Variants in TNC observed in about 807,000 individuals in gnomAD.
TNC encodes the protein tenascin.
Under a neutral mutation model 202.4 loss-of-function variants are expected in TNC, and 109 were observed. The ratio of observed to expected loss-of-function variants is 0.54; its 90% CI spans 0.46 to 0.63. The LOEUF is 0.63. Among genes scored for constraint, TNC ranks in the 30% least tolerant of loss-of-function variants. The probability of loss-of-function intolerance (pLI) is 0.00; values close to 1 mark genes in which losing one functional copy is unlikely to be tolerated. For missense variants in TNC, 2,756 were observed against 2,833.3 expected (o/e 0.97, Z 0.62); for synonymous variants, 1,007 against 1,089.7 (o/e 0.92, Z 1.50).
chr9:115,038,027 TGGGCCA>T (rs1348245427), intron 20 of TNC, among the ~76,000 whole-genome samples: 1 of 152,186 alleles, frequency 6.6e-6, no homozygotes, highest in African/African-American at 2.4e-5. Context: ...AGAGGAGGAA[TGGGCCA>T]GGAAAACATG....
intron 6 of TNC, among the ~76,000 whole-genome samples, chr9:115,079,448 C>A (rs886719549): frequency 6.6e-6 from 1 of 152,148 alleles, no homozygotes; most frequent in Non-Finnish European, 1.5e-5. Context: ...TGGACAGAAG[C>A]TGCCTGCTCT....
At chr9:115,038,414 A>G in intron 19 of TNC, 34 bp from the exon 20 acceptor site, 2 of 1,610,464 alleles carry the variant, frequency 1.2e-6, no homozygotes, top group Non-Finnish European at 1.7e-6. Flanking sequence ...GAGGGAAGTC[A>G]TTGGGTGGGA....
chr9:115,084,431 C>T lies in TNC; in HGVS notation c.1909G>A (p.Glu637Lys), dbSNP rs980843997. Residue 637 changes from glutamate to lysine, a missense_variant, in exon 4 of 28, where the codon GAG (glutamate) becomes AAG (lysine). Around this residue, in one of 2 missense-constraint regions of TNC, gnomAD observed 2,559 missense variants for 2,546.0 expected, o/e 1.01. Coordinates refer to ENST00000350763, the MANE Select transcript of TNC (RefSeq NM_002160.4). ...KDLVVTEVTE[E>K]TVNLAWDNEM... ...TTGTCCCAGGCCAGGTTGACCGTCTCTTCCGTCACTTCTGTCACAACGAGG... is the reference window on the plus strand; with the variant it reads ...TTGTCCCAGGCCAGGTTGACCGTCTTTTCCGTCACTTCTGTCACAACGAGG... The T allele has an allele frequency of 6.2e-7, 1 of 1,614,208 alleles. No homozygotes were observed. The highest frequency in any genetic ancestry group is 1.1e-5 in the South Asian group (1 of 91,078).
At chr9:115,116,677 T>C (rs1412048223) in intron 1 of TNC, among the ~76,000 whole-genome samples, 1 of 152,346 alleles carries the variant, frequency 6.6e-6, no homozygotes, top group African/African-American at 2.4e-5. Flanking sequence ...TCGTACTTCA[T>C]AGCTGTCAGC....
At chr9:115,048,848 T>G (rs1831415612) in intron 15 of TNC, among the ~76,000 whole-genome samples, 1 of 152,114 alleles carries the variant, frequency 6.6e-6, no homozygotes, top group South Asian at 2.1e-4. Context: ...CAGGTTTGAC[T>G]CCAAAGGCCA....
At chr9:115,060,023 A>G (rs1564453198) in intron 13 of TNC, 21 bp from the exon 14 acceptor site, 1 of 1,594,596 alleles carries the variant, frequency 6.3e-7, no homozygotes, top group East Asian at 2.3e-5. Context: ...ACAGAAAAGT[A>G]TTTGTCAGTT....
At chr9:115,085,622 GTCCCTGGGAC>G (rs1834650708) in intron 3 of TNC, among the ~76,000 whole-genome samples, 2 of 152,166 alleles carry the variant, frequency 1.3e-5, no homozygotes. Context: ...TCAGCTGTGT[GTCCCTGGGAC>G]AATTATATAA....
chr9:115,047,179 T>C (rs893130679), intron 16 of TNC, among the ~76,000 whole-genome samples: 11 of 151,982 alleles, frequency 7.2e-5, no homozygotes, highest in Admixed American at 2.6e-4. Flanking sequence ...GCTTTTAAAA[T>C]GTTATGGTCT....
intron 22 of TNC, 108 bp downstream of exon 22, chr9:115,035,096 C>A: frequency 7.6e-7 from 1 of 1,324,096 alleles, no homozygotes; most frequent in Non-Finnish European, 1.0e-6. Context: ...TTTTTCAGCT[C>A]CCCAGATGCA....
intron 1 of TNC, among the ~76,000 whole-genome samples, chr9:115,096,989 G>A (rs114219410): frequency 0.013 from 1,964 of 152,296 alleles, 37 homozygotes; most frequent in African/African-American, 0.045. Context: ...AGAAGCTGGA[G>A]GAGCTTGTCA....
At chr9:115,060,495 C>T (rs779890402) in intron 13 of TNC, among the ~76,000 whole-genome samples, 4 of 152,096 alleles carry the variant, frequency 2.6e-5, no homozygotes, top group Admixed American at 6.6e-5. Context: ...CATGGGATTG[C>T]GTGATGATTA....
intron 20 of TNC, among the ~76,000 whole-genome samples, chr9:115,037,022 T>C (rs1358312361): frequency 6.6e-6 from 1 of 152,172 alleles, no homozygotes; most frequent in Non-Finnish European, 1.5e-5. Flanking sequence ...GAACTATACC[T>C]GATTCATTTT....
At chr9:115,078,375 A>G (rs562327238) in intron 6 of TNC, among the ~76,000 whole-genome samples, 163 bp from the exon 7 acceptor site, 2 of 152,180 alleles carry the variant, frequency 1.3e-5, no homozygotes, top group South Asian at 2.1e-4. Context: ...TTGATAAGCT[A>G]TAAGTAGGGA....
intron 17 of TNC, among the ~76,000 whole-genome samples, chr9:115,043,050 G>T (rs964684586): frequency 6.6e-6 from 1 of 152,134 alleles, no homozygotes; most frequent in Non-Finnish European, 1.5e-5. Context: ...ATGCCCAGGG[G>T]GAGTTTCTGC....
chr9:115,069,006 C>A (rs1833158371), intron 10 of TNC, among the ~76,000 whole-genome samples: 1 of 152,288 alleles, frequency 6.6e-6, no homozygotes, highest in South Asian at 2.1e-4. Context: ...CAACGTGCAC[C>A]ATTTCTTGAG....
At chr9:115,066,066 T>C (rs1176238048) in intron 10 of TNC, among the ~76,000 whole-genome samples, 2 of 152,292 alleles carry the variant, frequency 1.3e-5, no homozygotes, top group African/African-American at 4.8e-5. Flanking sequence ...CACAGTATTA[T>C]TAAGGCTGAG....
chr9:115,040,370 G>A (rs1238885510), intron 19 of TNC, among the ~76,000 whole-genome samples: 1 of 152,170 alleles, frequency 6.6e-6, no homozygotes, highest in East Asian at 1.9e-4. Context: ...ACCAAATAGA[G>A]AGGAGCTGTT....
At chr9:115,053,166 T>C (rs1831838883) in intron 15 of TNC, among the ~76,000 whole-genome samples, 1 of 152,210 alleles carries the variant, frequency 6.6e-6, no homozygotes, top group South Asian at 2.1e-4. Context: ...TACACCTGCA[T>C]TGAATATGAT....
rs377103316 is a variant in TNC, at chr9:115,056,709, T to G, written c.4579+444A>C. On this transcript the variant is annotated intron_variant, in intron 15 of 27. Coordinates refer to ENST00000350763, the MANE Select transcript of TNC (RefSeq NM_002160.4). The stretch of plus-strand genomic sequence containing the variant: ...AAATACCCAACACCATCAACATGAT[T>G]ATTAAATCACTGGGATATTTGGGTA... 2.0e-5 allele frequency among the ~76,000 whole-genome samples: 3 copies of G among 152,350 alleles called. No individual in the cohort carries two copies. In the East Asian group the frequency reaches 5.8e-4, roughly 29 times the overall value.
Sources: allele counts gnomAD v4.1 joint callset (sites outside exome capture counted in the v4.1 genomes callset), GRCh38; gene constraint gnomAD v4.1.1; regional missense constraint gnomAD v4.1.1; transcripts MANE v1.5; gene names NCBI Gene and HGNC (gene_info 2026-07-23, HGNC 2026-07-21).